Variants in NTM observed in about 807,000 individuals in gnomAD.
The protein encoded by NTM is neurotrimin.
Under a neutral mutation model 42.1 loss-of-function variants are expected in NTM, and 13 were observed. The observed-to-expected ratio is 0.31, with a 90% CI of 0.20 to 0.49. NTM has a LOEUF of 0.49. Ranked by LOEUF, NTM falls within the 20% of genes least tolerant of loss-of-function variation. The pLI is 0.99. For synonymous variants in NTM, 187 were observed against 179.2 expected, an observed-to-expected ratio of 1.04 and a Z score of -0.35; for missense variants, 373 against 452.8, an observed-to-expected ratio of 0.82 and a Z score of 1.60.
At chr11:131,384,058 A>C (rs1228966006) in intron 1 of NTM, among the ~76,000 whole-genome samples, 24 of 152,170 alleles carry the variant, frequency 1.6e-4, no homozygotes, top group Admixed American at 1.2e-3. Flanking sequence ...TGAATGGCTT[A>C]GAGGTGGGTT....
At chr11:131,468,279 A>T (rs1002755563) in intron 1 of NTM, among the ~76,000 whole-genome samples, 2 of 152,212 alleles carry the variant, frequency 1.3e-5, no homozygotes, top group African/African-American at 2.4e-5. Flanking sequence ...TAATGGGTTG[A>T]TTGACATCCT....
chr11:131,392,848 C>T (rs1438344556), intron 1 of NTM, among the ~76,000 whole-genome samples: 1 of 152,182 alleles, frequency 6.6e-6, no homozygotes, highest in Non-Finnish European at 1.5e-5. Context: ...TTTTGACTGG[C>T]TTTTCCCTGG....
rs140946598 is a variant in NTM at position 131,433,926 on chromosome 11, T to C, written c.82+63038T>C. On this transcript the variant is annotated intron_variant, in intron 1 of 8. Transcript: ENST00000683400. ...ACTCGTCATTTACATTAGGTATTTC[T>C]CCTAATGCTATCCCTCTCCCTATCC... is the stretch of plus-strand genomic sequence containing the variant. Among the ~76,000 whole-genome samples the C allele has an allele frequency of 2.0e-5, 3 of 152,322 alleles. No individual in the cohort carries two copies. The East Asian group carries it at 5.8e-4, about 29-fold the overall frequency.
chr11:132,318,909 A>G (rs1366920768), intron 7 of NTM, among the ~76,000 whole-genome samples: 1 of 151,576 alleles, frequency 6.6e-6, no homozygotes, highest in Non-Finnish European at 1.5e-5. Context: ...CAGATGAAAA[A>G]AAGTACCTTT....
intron 5 of NTM, among the ~76,000 whole-genome samples, chr11:132,308,553 G>T (rs969070576): frequency 6.6e-6 from 1 of 151,938 alleles, no homozygotes; most frequent in Non-Finnish European, 1.5e-5. Flanking sequence ...CATTCTGGAG[G>T]TTTTCTCTGC....
At position 131,789,547 on chromosome 11, in the gene NTM, A is replaced by AGAGG. The variant is rs1378585224; in HGVS notation, c.83-122017_83-122016insGAGG. On this transcript the variant is annotated intron_variant, in intron 1 of 8. Transcript: ENST00000683400. ...AAGAAGAAGAAGAAGAAGAAGAAGA[A>AGAGG]AAGAAGAAGAAGAAGAAGAAGAAGA... is the stretch of plus-strand genomic sequence containing the variant. Among the ~76,000 whole-genome samples the AGAGG allele has an allele frequency of 3.9e-4, 2 of 5,118 alleles. 1 individual carries two copies. The highest frequency in any genetic ancestry group is 0.013 in the East Asian group (2 of 154). 3.4% of individuals were successfully genotyped at this position (5,118 alleles called of 152,430 possible).
intron 2 of NTM, among the ~76,000 whole-genome samples, chr11:132,021,715 T>G (rs1177995160): frequency 6.6e-6 from 1 of 152,236 alleles, no homozygotes; most frequent in East Asian, 1.9e-4. Flanking sequence ...CCCCCAGGAC[T>G]GAGTTGACAT....
At chr11:131,529,082 T>C (rs1006983583) in intron 1 of NTM, among the ~76,000 whole-genome samples, 1 of 152,200 alleles carries the variant, frequency 6.6e-6, no homozygotes, top group East Asian at 1.9e-4. Context: ...AGTCACCTCC[T>C]GGGCTATTGT....
intron 7 of NTM, among the ~76,000 whole-genome samples, chr11:132,327,317 C>CTGAT (rs1439439850): frequency 2.6e-5 from 4 of 152,170 alleles, no homozygotes; most frequent in Admixed American, 1.3e-4. Context: ...TAAAGGTTGA[C>CTGAT]TGATTAATGT....
intron 7 of NTM, among the ~76,000 whole-genome samples, chr11:132,322,154 A>C (rs1265773604): frequency 1.3e-5 from 2 of 152,110 alleles, no homozygotes; most frequent in Non-Finnish European, 2.9e-5. Flanking sequence ...CATCATAATG[A>C]CAGGATCAAA....
chr11:132,033,890 G>C (rs1384880385), intron 2 of NTM, among the ~76,000 whole-genome samples: 1 of 152,196 alleles, frequency 6.6e-6, no homozygotes, highest in Non-Finnish European at 1.5e-5. Context: ...TGAGATTGAT[G>C]ATGTGGTTAG....
At chr11:132,203,480 A>T (rs980421460) in intron 3 of NTM, among the ~76,000 whole-genome samples, 1 of 152,194 alleles carries the variant, frequency 6.6e-6, no homozygotes, top group African/African-American at 2.4e-5. Flanking sequence ...GTGGGCTTAA[A>T]ACCTCGGCTT....
intron 1 of NTM, among the ~76,000 whole-genome samples, chr11:131,552,357 G>A (rs2054794866): frequency 6.6e-6 from 1 of 152,132 alleles, no homozygotes; most frequent in Admixed American, 6.5e-5. Flanking sequence ...CATGCCATAT[G>A]GCCCAGAAAT....
intron 1 of NTM, among the ~76,000 whole-genome samples, chr11:131,664,965 C>A (rs531179570): frequency 2.0e-5 from 3 of 152,076 alleles, no homozygotes; most frequent in Admixed American, 1.3e-4. Flanking sequence ...ATATCCTCCG[C>A]GCTTCTGCTG....
In NTM at chr11:131,724,243, C is replaced by T. The variant is rs188539010; in HGVS notation, c.83-187321C>T. ...CCTCACCTTCTCTGCTTGTCTGATA[C>T]GTAGCTGGAGGCTTCTCTCTTTGTC... On this transcript the variant is annotated intron_variant, in intron 1 of 8. Coordinates refer to ENST00000683400, the MANE Select transcript of NTM (RefSeq NM_001352005.2). 5.2e-4 allele frequency among the ~76,000 whole-genome samples: 79 copies of T among 152,236 alleles called. No homozygotes were observed. The South Asian group carries it at 7.7e-3, about 15-fold the overall frequency.
In NTM at chr11:132,039,415, A is replaced by ATTT. The variant is rs71475786; in HGVS notation, c.168-106847_168-106845dup. Among the ~76,000 whole-genome samples the ATTT allele has an allele frequency of 3.2e-3, 428 of 133,202 alleles. 1 individual carries two copies. Among genetic ancestry groups the ATTT allele is most frequent in the African/African-American group, 0.01 (365 of 35,880 alleles). The allele number at this position is 133,202 out of a possible 152,430, so 87.4% of individuals were successfully genotyped here. On this transcript the variant is annotated intron_variant, in intron 2 of 8. Coordinates refer to ENST00000683400, the MANE Select transcript of NTM (RefSeq NM_001352005.2). ...GTCTGTGCTAGGAAGGCCCCTCATA[A>ATTT]TTTTTTTTTTTTTTTTTTTTTTAGA...
intron 1 of NTM, among the ~76,000 whole-genome samples, chr11:131,470,680 G>A (rs1952352343): frequency 6.6e-6 from 1 of 152,148 alleles, no homozygotes; most frequent in Non-Finnish European, 1.5e-5. Context: ...CTTTGCACCT[G>A]GACATGCTCT....
At position 132,316,539 on chromosome 11, in the gene NTM, A is replaced by ATGAG. The variant is rs552047339; in HGVS notation, c.934+1839_934+1842dup. ...TTTAGAAAGAGTGGGTCACACCAAGATGAGTGGGGTACATGTGGGGATGTT... is the reference window on the plus strand; with the variant it reads ...TTTAGAAAGAGTGGGTCACACCAAGATGAGTGAGTGGGGTACATGTGGGGATGTT... On this transcript the variant is annotated intron_variant, in intron 7 of 8. Coordinates refer to ENST00000683400, the MANE Select transcript of NTM (RefSeq NM_001352005.2). Among the ~76,000 whole-genome samples the ATGAG allele has an allele frequency of 1.2e-4, 19 of 152,226 alleles. No homozygotes were observed. In the South Asian group the frequency reaches 3.5e-3, roughly 28 times the overall value.
At chr11:131,891,208 A>G (rs1049841574) in intron 1 of NTM, among the ~76,000 whole-genome samples, 3 of 152,220 alleles carry the variant, frequency 2.0e-5, no homozygotes, top group African/African-American at 7.2e-5. Context: ...CAGTGTGTTC[A>G]ATGTGCTATA....
Sources: allele counts gnomAD v4.1 joint callset (sites outside exome capture counted in the v4.1 genomes callset), GRCh38; gene constraint gnomAD v4.1.1; transcripts MANE v1.5; gene names NCBI Gene and HGNC (gene_info 2026-07-23, HGNC 2026-07-21).